TLK1: variants seen among roughly 807,000 people sequenced by gnomAD.
TLK1 encodes serine/threonine-protein kinase tousled-like 1.
Under a neutral mutation model 105.3 loss-of-function variants are expected in TLK1, and 24 were observed. That is an observed-to-expected ratio of 0.23 (90% CI 0.17 to 0.32). The LOEUF is 0.32. Ranked by LOEUF, TLK1 falls within the 10% of genes least tolerant of loss-of-function variation. The pLI is 1.00. For missense variants in TLK1, 558 were observed against 910.5 expected, an observed-to-expected ratio of 0.61 and a Z score of 4.98; for synonymous variants, 321 against 310.4, an observed-to-expected ratio of 1.03 and a Z score of -0.36.
Position 171,142,090 on chromosome 2 carries a change from T to A in TLK1, c.139+18200A>T, listed in dbSNP as rs922053705. Among the ~76,000 whole-genome samples the A allele has an allele frequency of 2.8e-4, 42 of 151,974 alleles. 1 individual carries two copies. Among genetic ancestry groups the A allele is most frequent in the African/African-American group, 9.7e-4 (40 of 41,372 alleles). ...AAAAAAGTGCTAACTTATATCACAC[T>A]TTAACACAGAAAGGAGGCATATTGT... is the stretch of plus-strand genomic sequence containing the variant. On this transcript the variant is annotated intron_variant, in intron 1 of 20. Coordinates refer to ENST00000431350, the MANE Select transcript of TLK1 (RefSeq NM_012290.5).
At chr2:171,153,414 C>T (rs1338779518) in intron 1 of TLK1, among the ~76,000 whole-genome samples, 5 of 152,204 alleles carry the variant, frequency 3.3e-5, no homozygotes, top group Non-Finnish European at 7.4e-5. Flanking sequence ...AAGCATCTTC[C>T]TGGGTCTGAA....
At chr2:170,996,328 C>T (rs191145536) in intron 20 of TLK1, among the ~76,000 whole-genome samples, 13 of 152,268 alleles carry the variant, frequency 8.5e-5, no homozygotes, top group African/African-American at 3.1e-4. Context: ...TTCTTATATA[C>T]TTATATATCT....
At chr2:171,162,246 T>C (rs1692522122), upstream of TLK1, among the ~76,000 whole-genome samples, 1 of 152,200 alleles carries the variant, frequency 6.6e-6, no homozygotes, top group East Asian at 1.9e-4. Flanking sequence ...ATATTTAAAG[T>C]GTACAATTAT....
chr2:171,067,153 C>T (rs143444942), intron 3 of TLK1, among the ~76,000 whole-genome samples: 2 of 137,692 alleles, frequency 1.5e-5, no homozygotes, highest in African/African-American at 5.1e-5. Flanking sequence ...AGAATATGTG[C>T]ACTTAGGTTT....
intron 1 of TLK1, among the ~76,000 whole-genome samples, chr2:171,173,230 G>A (rs1339146174): frequency 6.6e-6 from 1 of 152,122 alleles, no homozygotes; most frequent in East Asian, 1.9e-4. Flanking sequence ...TATAACTAAG[G>A]AAATATACCA....
intron 11 of TLK1, among the ~76,000 whole-genome samples, chr2:171,037,373 G>A (rs528704704): frequency 1.3e-5 from 2 of 151,638 alleles, no homozygotes; most frequent in African/African-American, 4.8e-5. Context: ...CCCAGGAGGC[G>A]GAGGTTACAG....
At chr2:171,154,983 TTGTTA>T (rs1692178283) in intron 1 of TLK1, among the ~76,000 whole-genome samples, 1 of 152,128 alleles carries the variant, frequency 6.6e-6, no homozygotes, top group Admixed American at 6.5e-5. Context: ...AAAATATGAA[TTGTTA>T]TAAGTAATGA....
At chr2:171,013,357 T>G (rs1395766148) in intron 13 of TLK1, among the ~76,000 whole-genome samples, 1 of 126,834 alleles carries the variant, frequency 7.9e-6, no homozygotes, top group African/African-American at 3.1e-5. Context: ...AGACAAAGTC[T>G]CACTTTGTCA....
At chr2:171,203,305 T>C (rs914133790) in intron 1 of TLK1, among the ~76,000 whole-genome samples, 5 of 152,188 alleles carry the variant, frequency 3.3e-5, no homozygotes, top group African/African-American at 1.2e-4. Context: ...TCAGAATTCA[T>C]CTCGTAAAAC....
chr2:171,103,078 A>C (rs1050597860), intron 2 of TLK1, among the ~76,000 whole-genome samples: 7 of 152,032 alleles, frequency 4.6e-5, no homozygotes, highest in Non-Finnish European at 8.8e-5. Flanking sequence ...CAAGTGGCAA[A>C]TAAGACAGCA....
At chr2:171,185,033 A>G (rs759018059) in intron 1 of TLK1, among the ~76,000 whole-genome samples, 11 of 151,986 alleles carry the variant, frequency 7.2e-5, no homozygotes, top group South Asian at 2.1e-4. Flanking sequence ...TAGAGATGGG[A>G]TTTCACCATG....
intron 1 of TLK1, among the ~76,000 whole-genome samples, chr2:171,127,552 C>T (rs1045798161): frequency 1.3e-5 from 2 of 152,210 alleles, no homozygotes; most frequent in East Asian, 1.9e-4. Context: ...TGAGCTATCA[C>T]AAAACCAGCC....
intron 3 of TLK1, among the ~76,000 whole-genome samples, chr2:171,078,452 C>T (rs767382191): frequency 2.6e-5 from 4 of 152,100 alleles, no homozygotes; most frequent in Non-Finnish European, 2.9e-5. Flanking sequence ...GCAGGAGAAT[C>T]GCTTGAACCT....
At chr2:171,166,041 G>C (rs1352830738) in intron 1 of TLK1, among the ~76,000 whole-genome samples, 1 of 151,864 alleles carries the variant, frequency 6.6e-6, no homozygotes, top group Non-Finnish European at 1.5e-5. Context: ...TCCACATTCA[G>C]TAATGTTACA....
At chr2:171,102,946 A>T (rs528636378) in intron 2 of TLK1, among the ~76,000 whole-genome samples, 5 of 152,080 alleles carry the variant, frequency 3.3e-5, no homozygotes, top group African/African-American at 9.6e-5. Flanking sequence ...TTGTAGTATT[A>T]AAAAAAAGAA....
chr2:171,214,020 T>C (rs1693668878), intron 1 of TLK1, among the ~76,000 whole-genome samples: 1 of 150,188 alleles, frequency 6.7e-6, no homozygotes, highest in East Asian at 2.0e-4. Context: ...CAGACTCTGG[T>C]GAATAGTTTT....
At chr2:171,040,724 A>G (rs1249540238) in intron 11 of TLK1, among the ~76,000 whole-genome samples, 1 of 151,844 alleles carries the variant, frequency 6.6e-6, no homozygotes, top group Admixed American at 6.6e-5. Flanking sequence ...CTATAGGTAC[A>G]TACCACCATG....
intron 1 of TLK1, among the ~76,000 whole-genome samples, chr2:171,202,602 C>T (rs1693425239): frequency 1.3e-5 from 2 of 151,356 alleles, no homozygotes; most frequent in East Asian, 3.9e-4. Context: ...ACTAAAAATA[C>T]AAAAATTAGC....
At chr2:170,996,820 C>G in intron 19 of TLK1, 60 bp from the exon 20 acceptor site, 4 of 1,409,846 alleles carry the variant, frequency 2.8e-6, no homozygotes, top group Non-Finnish European at 2.9e-6. Context: ...ACACAGATAT[C>G]ATTTCTGTTT....
Sources: gnomAD v4.1 joint callset for allele counts (sites outside exome capture counted in the v4.1 genomes callset) on GRCh38, gnomAD v4.1.1 for gene constraint, MANE v1.5 for transcripts, NCBI Gene and HGNC (gene_info 2026-07-23, HGNC 2026-07-21) for gene names.